The following TNFSF11 variants were observed in gnomAD, a reference collection of about 807,000 sequenced individuals.
TNFSF11 encodes the protein tumor necrosis factor ligand superfamily member 11.
Under a neutral mutation model 32.2 loss-of-function variants are expected in TNFSF11, and 12 were observed. That is an observed-to-expected ratio of 0.37 (90% CI 0.24 to 0.60). The LOEUF (loss-of-function observed/expected upper bound fraction) is 0.60, where lower values mean the gene tolerates loss of function less well. Ranked by LOEUF, TNFSF11 falls within the 20% of genes least tolerant of loss-of-function variation. The pLI, the probability that TNFSF11 is intolerant of heterozygous loss-of-function variation, is 0.66. For missense variants in TNFSF11, 345 were observed against 398.0 expected (o/e 0.87, Z 1.13); for synonymous variants, 172 against 152.1 (o/e 1.13, Z -0.96).
At chr13:42,566,186 C>T (rs577784441) in intron 1 of TNFSF11, among the ~76,000 whole-genome samples, 7 of 152,278 alleles carry the variant, frequency 4.6e-5, no homozygotes, top group Non-Finnish European at 7.4e-5. Flanking sequence ...CCAGGTAATC[C>T]CATGCATCCT....
intron 4 of TNFSF11, 90 bp from the exon 5 acceptor site, chr13:42,606,407 C>A: frequency 6.8e-7 from 1 of 1,479,276 alleles, no homozygotes; most frequent in Non-Finnish European, 9.4e-7. Flanking sequence ...GACTGCTATA[C>A]TATTTTTTCT....
chr13:42,574,149 C>T (rs1873176961), upstream of TNFSF11: 7 of 993,048 alleles, frequency 7.0e-6, no homozygotes, highest in South Asian at 1.1e-4. Context: ...TGCCGGGCGC[C>T]CTGCCCGCTC....
intron 4 of TNFSF11, among the ~76,000 whole-genome samples, chr13:42,604,739 T>C (rs1425524738): frequency 6.6e-6 from 1 of 152,160 alleles, no homozygotes; most frequent in Non-Finnish European, 1.5e-5. Context: ...CAAACCAGAC[T>C]AGGCTGGGAA....
chr13:42,600,316 C>A (rs1006776854), intron 2 of TNFSF11, among the ~76,000 whole-genome samples: 3 of 152,116 alleles, frequency 2.0e-5, no homozygotes, highest in South Asian at 4.1e-4. Flanking sequence ...GTGGGCTGAG[C>A]TTTAGTATTA....
At chr13:42,583,373 G>T (rs987370068) in intron 2 of TNFSF11, among the ~76,000 whole-genome samples, 2 of 130,760 alleles carry the variant, frequency 1.5e-5, no homozygotes, top group Non-Finnish European at 3.1e-5. Flanking sequence ...GGTTGCACCA[G>T]TGCACTCCAG....
intron 2 of TNFSF11, among the ~76,000 whole-genome samples, chr13:42,587,741 A>G (rs1314052561): frequency 6.6e-6 from 1 of 152,244 alleles, no homozygotes; most frequent in African/African-American, 2.4e-5. Context: ...AAAGTTCACC[A>G]GATTAAGTGA....
Position 42,597,340 on chromosome 13 carries a change from C to CATT in TNFSF11, c.388-3412_388-3411insATT, listed in dbSNP as rs778080923. Reference sequence around the variant, plus strand: ...ATCCTGGGTCATGAAGCCTTTTGTTCTTTTTTTTTTTTTTTTTTTTTAAAG... The same window carrying CATT: ...ATCCTGGGTCATGAAGCCTTTTGTTCATTTTTTTTTTTTTTTTTTTTTTTAAAG... On this transcript the variant is annotated intron_variant, in intron 2 of 4. Transcript: ENST00000398795. 1.0e-4 allele frequency among the ~76,000 whole-genome samples: 13 copies of CATT among 125,756 alleles called. No individual in the cohort carries two copies. The East Asian group carries it at 2.6e-3, about 25-fold the overall frequency. 82.5% of individuals were successfully genotyped at this position (125,756 alleles called of 152,430 possible).
intron 1 of TNFSF11, among the ~76,000 whole-genome samples, chr13:42,575,456 G>T (rs180991488): frequency 6.6e-6 from 1 of 152,290 alleles, no homozygotes; most frequent in Admixed American, 6.5e-5. Flanking sequence ...TTTCTCAGAG[G>T]AAGTGGGGGG....
chr13:42,563,650 A>G (rs1872762944), intron 1 of TNFSF11, among the ~76,000 whole-genome samples: 1 of 133,086 alleles, frequency 7.5e-6, no homozygotes, highest in African/African-American at 2.9e-5. Context: ...GCAACAGAGC[A>G]AAAACTCCGT....
chr13:42,570,835 T>G (rs1594456075), upstream of TNFSF11, among the ~76,000 whole-genome samples: 1 of 152,204 alleles, frequency 6.6e-6, no homozygotes, highest in East Asian at 1.9e-4. Context: ...GCCTAAGAGC[T>G]TTCGCTGACT....
At chr13:42,564,264 G>T (rs1166161444) in intron 1 of TNFSF11, among the ~76,000 whole-genome samples, 2 of 152,008 alleles carry the variant, frequency 1.3e-5, no homozygotes, top group South Asian at 2.1e-4. Context: ...ATATGTAAAA[G>T]AATTATTTAA....
chr13:42,571,278 C>T (rs139407836), upstream of TNFSF11, among the ~76,000 whole-genome samples: 3 of 152,250 alleles, frequency 2.0e-5, no homozygotes, highest in East Asian at 1.9e-4. Flanking sequence ...GAGAGATGAG[C>T]GCTCCAGTTA....
At chr13:42,584,999 G>T (rs4941433) in intron 2 of TNFSF11, among the ~76,000 whole-genome samples, 27,931 of 152,132 alleles carry the variant, frequency 0.18, 2,747 homozygotes, top group Admixed American at 0.3. Flanking sequence ...CTTATCATTA[G>T]AATCAATCAG....
At chr13:42,597,147 T>C (rs1160326696) in intron 2 of TNFSF11, among the ~76,000 whole-genome samples, 5 of 136,768 alleles carry the variant, frequency 3.7e-5, no homozygotes, top group African/African-American at 1.1e-4. Flanking sequence ...GATACAGATA[T>C]TGGGAATACT....
At chr13:42,586,763 T>C (rs1283659473) in intron 2 of TNFSF11, among the ~76,000 whole-genome samples, 1 of 152,124 alleles carries the variant, frequency 6.6e-6, no homozygotes, top group African/African-American at 2.4e-5. Context: ...AGCCTTTGAG[T>C]CTCTAAAGAC....
At chr13:42,603,223 T>G (rs1016271795) in intron 4 of TNFSF11, among the ~76,000 whole-genome samples, 1 of 152,182 alleles carries the variant, frequency 6.6e-6, no homozygotes, top group Non-Finnish European at 1.5e-5. Flanking sequence ...TCAAAATATC[T>G]TAGATGAAAT....
chr13:42,576,044 T>G (rs1310542417), intron 1 of TNFSF11, among the ~76,000 whole-genome samples: 1 of 152,230 alleles, frequency 6.6e-6, no homozygotes, highest in Non-Finnish European at 1.5e-5. Context: ...TGGAGCCAGA[T>G]AGCAGAGTGG....
intron 4 of TNFSF11, among the ~76,000 whole-genome samples, chr13:42,603,923 G>A (rs1488415300): frequency 6.6e-6 from 1 of 152,166 alleles, no homozygotes; most frequent in Non-Finnish European, 1.5e-5. Context: ...GTGAATGTAT[G>A]AGTAAGTCAA....
At chr13:42,599,311 ATC>A (rs1240724522) in intron 2 of TNFSF11, among the ~76,000 whole-genome samples, 1 of 139,856 alleles carries the variant, frequency 7.2e-6, no homozygotes, top group Admixed American at 7.2e-5. Context: ...GCCTCTATCT[ATC>A]TATCTATCTA....
Sources: gnomAD v4.1 joint callset for allele counts (sites outside exome capture counted in the v4.1 genomes callset) on GRCh38, gnomAD v4.1.1 for gene constraint, MANE v1.5 for transcripts, NCBI Gene and HGNC (gene_info 2026-07-23, HGNC 2026-07-21) for gene names.